CSMD1: variants seen among roughly 807,000 people sequenced by gnomAD.
The protein encoded by CSMD1 is CUB and Sushi multiple domains 1.
A neutral mutation model predicts 417.5 loss-of-function variants in CSMD1; 213 were observed. The observed-to-expected ratio is 0.51, with a 90% CI of 0.46 to 0.57. The LOEUF is 0.57. CSMD1 is among the 20% of genes least tolerant of loss of function. The pLI is 0.00. For missense variants in CSMD1, 6,923 were observed against 4,529.7 expected, an observed-to-expected ratio of 1.53 and a Z score of -15.17; for synonymous variants, 2,862 against 1,736.8, an observed-to-expected ratio of 1.65 and a Z score of -16.11.
At chr8:3,297,283 T>G (rs765578509) in intron 25 of CSMD1, among the ~76,000 whole-genome samples, 2 of 152,164 alleles carry the variant, frequency 1.3e-5, no homozygotes, top group African/African-American at 2.4e-5. Context: ...GGGATATCAA[T>G]AAAAATCCAG....
intron 26 of CSMD1, among the ~76,000 whole-genome samples, chr8:3,282,702 C>G (rs1425954130): frequency 6.6e-6 from 1 of 152,292 alleles, no homozygotes; most frequent in African/African-American, 2.4e-5. Context: ...TTGCAAATCA[C>G]TGTTCAGAGC....
chr8:3,188,009 C>A (rs761884409), intron 35 of CSMD1, 44 bp from the exon 36 acceptor site: 5 of 1,498,686 alleles, frequency 3.3e-6, no homozygotes, highest in Non-Finnish European at 4.6e-6. Context: ...TTTGGCTTAA[C>A]ACAATTAGTC....
intron 3 of CSMD1, among the ~76,000 whole-genome samples, chr8:4,179,986 T>C (rs941557374): frequency 1.3e-5 from 2 of 152,010 alleles, no homozygotes; most frequent in African/African-American, 4.8e-5. Flanking sequence ...AGTGGGACTG[T>C]AAACTAATTC....
intron 5 of CSMD1, among the ~76,000 whole-genome samples, chr8:3,941,850 G>T (rs949593258): frequency 6.6e-6 from 1 of 151,978 alleles, no homozygotes. Context: ...AACCAAAAGG[G>T]TCCCCAACCC....
intron 3 of CSMD1, among the ~76,000 whole-genome samples, chr8:4,082,410 C>T (rs1345025197): frequency 6.6e-6 from 1 of 151,964 alleles, no homozygotes; most frequent in Admixed American, 6.6e-5. Flanking sequence ...ACAACAAAAC[C>T]CAGTATTTTA....
At chr8:4,194,677 A>G (rs925885642) in intron 3 of CSMD1, among the ~76,000 whole-genome samples, 1 of 152,182 alleles carries the variant, frequency 6.6e-6, no homozygotes, top group African/African-American at 2.4e-5. Flanking sequence ...AAATGGGGAA[A>G]AGGATCATAC....
chr8:4,331,762 C>A (rs1225028178), intron 3 of CSMD1, among the ~76,000 whole-genome samples: 1 of 152,138 alleles, frequency 6.6e-6, no homozygotes, highest in Non-Finnish European at 1.5e-5. Flanking sequence ...GGTCCATGTG[C>A]CAAGTCTTCC....
At chr8:4,744,416 G>A (rs1478124431) in intron 1 of CSMD1, among the ~76,000 whole-genome samples, 2 of 152,128 alleles carry the variant, frequency 1.3e-5, no homozygotes, top group African/African-American at 4.8e-5. Flanking sequence ...AGCCTGCGCA[G>A]GACACAGCTT....
intron 3 of CSMD1, among the ~76,000 whole-genome samples, chr8:4,334,705 G>GA (rs537171665): frequency 6.6e-6 from 1 of 152,028 alleles, no homozygotes; most frequent in Non-Finnish European, 1.5e-5. Context: ...TTCTTACCAT[G>GA]AAAAATAATT....
At chr8:3,260,972 T>C (rs9644333) in intron 26 of CSMD1, among the ~76,000 whole-genome samples, 119,868 of 151,926 alleles carry the variant, frequency 0.79, 47,731 homozygotes, top group Non-Finnish European at 0.84. Flanking sequence ...AAAATCCCAT[T>C]AGAAAATGGG....
intron 1 of CSMD1, among the ~76,000 whole-genome samples, chr8:4,776,431 G>C (rs1016328571): frequency 6.6e-6 from 1 of 152,004 alleles, no homozygotes; most frequent in African/African-American, 2.4e-5. Context: ...GAATTCTTCG[G>C]ATCCTCATGT....
intron 3 of CSMD1, among the ~76,000 whole-genome samples, chr8:4,359,088 T>C (rs1339512491): frequency 6.6e-6 from 1 of 152,122 alleles, no homozygotes; most frequent in Admixed American, 6.5e-5. Context: ...TTACACATAG[T>C]ATATTAATAA....
chr8:3,483,243 A>G (rs539682128), intron 11 of CSMD1, among the ~76,000 whole-genome samples: 3 of 152,242 alleles, frequency 2.0e-5, no homozygotes, highest in East Asian at 3.9e-4. Flanking sequence ...TCAGAAAAAG[A>G]GAAAGGGAGA....
intron 28 of CSMD1, among the ~76,000 whole-genome samples, chr8:3,223,018 C>T (rs947672647): frequency 3.9e-5 from 6 of 152,168 alleles, no homozygotes; most frequent in Admixed American, 3.9e-4. Flanking sequence ...ATAGGAAAGT[C>T]TACAGAATGA....
chr8:3,608,446 G>C (rs1352616449), intron 8 of CSMD1, among the ~76,000 whole-genome samples: 3 of 152,022 alleles, frequency 2.0e-5, no homozygotes, highest in Admixed American at 2.0e-4. Flanking sequence ...TTCTTAAAAG[G>C]ATAGAAGAAT....
intron 3 of CSMD1, among the ~76,000 whole-genome samples, chr8:4,328,028 A>G (rs1451832852): frequency 6.6e-6 from 1 of 152,146 alleles, no homozygotes; most frequent in Non-Finnish European, 1.5e-5. Flanking sequence ...AGAGGTACTT[A>G]GCGTCAGTTA....
At chr8:3,569,525 A>C (rs1256183632) in intron 10 of CSMD1, among the ~76,000 whole-genome samples, 1 of 152,214 alleles carries the variant, frequency 6.6e-6, no homozygotes, top group Non-Finnish European at 1.5e-5. Context: ...CTTATTTCTT[A>C]AAGTTTGCAG....
chr8:4,404,419 C>G (rs1264239715), intron 3 of CSMD1, among the ~76,000 whole-genome samples: 1 of 152,102 alleles, frequency 6.6e-6, no homozygotes, highest in Admixed American at 6.6e-5. Context: ...TTCAGTTAAT[C>G]ATCAATAAAT....
chr8:4,358,508 C>T (rs1801564421), intron 3 of CSMD1, among the ~76,000 whole-genome samples: 1 of 152,154 alleles, frequency 6.6e-6, no homozygotes, highest in Admixed American at 6.5e-5. Flanking sequence ...TTTGCGATAC[C>T]AGCAGAGCTC....
Sources: gnomAD v4.1 joint callset for allele counts (sites outside exome capture counted in the v4.1 genomes callset) on GRCh38, gnomAD v4.1.1 for gene constraint, MANE v1.5 for transcripts, NCBI Gene and HGNC (gene_info 2026-07-23, HGNC 2026-07-21) for gene names.